Variants in LCORL observed in about 807,000 individuals in gnomAD.
LCORL encodes ligand-dependent nuclear receptor corepressor-like protein.
In LCORL, 41 loss-of-function variants were observed where a neutral mutation model predicts 141.8. The observed-to-expected ratio is 0.29, with a 90% CI of 0.23 to 0.38. The LOEUF is 0.38. LCORL is among the 10% of genes least tolerant of loss of function. The pLI is 1.00. For synonymous variants in LCORL, 618 were observed against 694.1 expected, an observed-to-expected ratio of 0.89 and a Z score of 1.72; for missense variants, 1,759 against 2,035.0, an observed-to-expected ratio of 0.86 and a Z score of 2.61.
At chr4:17,873,040 T>C (rs967723818) in intron 7 of LCORL, among the ~76,000 whole-genome samples, 3 of 152,170 alleles carry the variant, frequency 2.0e-5, no homozygotes, top group African/African-American at 7.2e-5. Context: ...GTTAGTTACT[T>C]GGTTATATTT....
At chr4:17,921,126 C>T (rs997070599) in intron 4 of LCORL, among the ~76,000 whole-genome samples, 8 of 152,116 alleles carry the variant, frequency 5.3e-5, no homozygotes, top group African/African-American at 1.9e-4. Context: ...TGGGTTCAAA[C>T]GATTCCCCTG....
chr4:17,960,492 G>T (rs1386610999), intron 4 of LCORL, among the ~76,000 whole-genome samples: 2 of 152,144 alleles, frequency 1.3e-5, no homozygotes, highest in Non-Finnish European at 2.9e-5. Context: ...CTTACTGTGT[G>T]CATGTGTGTA....
chr4:17,904,673 A>G lies in LCORL; in HGVS notation c.682+4421T>C, dbSNP rs550354761. On this transcript the variant is annotated intron_variant, in intron 5 of 7. Coordinates refer to ENST00000635767, the Ensembl canonical transcript of LCORL. ...GTATCTTTCCCCGTGATTTATAATG[A>G]CATTTCTGTCTTGCACTAAGATTCC... 3.9e-5 allele frequency among the ~76,000 whole-genome samples: 6 copies of G among 152,220 alleles called. No homozygotes were observed. In the East Asian group the frequency reaches 1.2e-3, roughly 29 times the overall value.
chr4:17,994,629 A>G (rs1244369102), intron 1 of LCORL, among the ~76,000 whole-genome samples: 1 of 152,042 alleles, frequency 6.6e-6, no homozygotes, highest in African/African-American at 2.4e-5. Context: ...CTACTTCATC[A>G]CCTGTAATTT....
At chr4:17,917,276 T>C (rs571080548) in intron 4 of LCORL, among the ~76,000 whole-genome samples, 5 of 152,324 alleles carry the variant, frequency 3.3e-5, no homozygotes, top group South Asian at 2.1e-4. Context: ...CTTGGCTCAC[T>C]CTGCCTCCTG....
exon 7 of LCORL, chr4:17,877,280 T>A: frequency 1.6e-6 from 2 of 1,229,926 alleles, no homozygotes; most frequent in Non-Finnish European, 2.0e-6. Context: ...AGAGAGATGT[T>A]ATGAAATCTC....
intron 7 of LCORL, among the ~76,000 whole-genome samples, chr4:17,851,261 T>C (rs1174329757): frequency 6.6e-6 from 1 of 152,052 alleles, no homozygotes; most frequent in East Asian, 1.9e-4. Context: ...ACATGTACCC[T>C]AAAACTTAAA....
At chr4:17,898,412 T>C (rs1560308454) in intron 5 of LCORL, among the ~76,000 whole-genome samples, 1 of 152,146 alleles carries the variant, frequency 6.6e-6, no homozygotes, top group East Asian at 1.9e-4. Context: ...CTTTGGAATA[T>C]ACAGAATATT....
At chr4:17,987,712 G>A (rs1016061715) in intron 1 of LCORL, among the ~76,000 whole-genome samples, 1 of 152,122 alleles carries the variant, frequency 6.6e-6, no homozygotes, top group African/African-American at 2.4e-5. Context: ...GATGCAAAGT[G>A]CAGTCTCATT....
intron 5 of LCORL, among the ~76,000 whole-genome samples, chr4:17,899,425 A>C (rs1391532507): frequency 6.6e-6 from 1 of 152,182 alleles, no homozygotes; most frequent in Non-Finnish European, 1.5e-5. Context: ...GCAGCCCTGA[A>C]GTACAGTGGG....
chr4:17,992,350 C>T (rs988027712), intron 1 of LCORL, among the ~76,000 whole-genome samples: 1 of 152,196 alleles, frequency 6.6e-6, no homozygotes. Context: ...ATGATCTAAT[C>T]ACCTCCCACA....
At chr4:18,017,650 G>A (rs902827717) in intron 1 of LCORL, among the ~76,000 whole-genome samples, 2 of 152,088 alleles carry the variant, frequency 1.3e-5, no homozygotes, top group Non-Finnish European at 2.9e-5. Flanking sequence ...TCAAGGTCAA[G>A]AAATAGTAAG....
chr4:18,008,359 G>A (rs947001614), intron 1 of LCORL, among the ~76,000 whole-genome samples: 3 of 152,120 alleles, frequency 2.0e-5, no homozygotes, highest in Non-Finnish European at 2.9e-5. Context: ...TCCAGGACAG[G>A]AATAAAAGGC....
chr4:17,878,301 T>G, intron 6 of LCORL, 88 bp from the exon 7 acceptor site: 1 of 942,112 alleles, frequency 1.1e-6, no homozygotes, highest in Non-Finnish European at 1.4e-6. Context: ...AAAAAAGATA[T>G]TTTGGTATTG....
At chr4:17,859,231 C>G (rs966745624) in intron 7 of LCORL, among the ~76,000 whole-genome samples, 1 of 152,042 alleles carries the variant, frequency 6.6e-6, no homozygotes, top group African/African-American at 2.4e-5. Flanking sequence ...TGTAAATGTT[C>G]TGAGAATATT....
At chr4:17,870,391 A>G (rs1560271408) in intron 7 of LCORL, among the ~76,000 whole-genome samples, 1 of 152,016 alleles carries the variant, frequency 6.6e-6, no homozygotes, top group East Asian at 1.9e-4. Context: ...TCCAACTTCT[A>G]CTACATCAGC....
intron 6 of LCORL, chr4:17,880,652 C>A (rs1478637524): frequency 2.0e-6 from 2 of 983,288 alleles, no homozygotes; most frequent in Non-Finnish European, 2.4e-6. Flanking sequence ...ATCAATCACA[C>A]ACCAACAGTG....
At chr4:17,881,274 TAATA>T in intron 6 of LCORL, 1 of 981,812 alleles carries the variant, frequency 1.0e-6, no homozygotes, top group Non-Finnish European at 1.2e-6. Flanking sequence ...AATTGTCAAT[TAATA>T]AATAGTAACT....
At chr4:17,926,679 C>T (rs2109400133) in intron 4 of LCORL, among the ~76,000 whole-genome samples, 1 of 152,324 alleles carries the variant, frequency 6.6e-6, no homozygotes, top group African/African-American at 2.4e-5. Context: ...TGAGTCAATA[C>T]TCCTTAATAA....
Sources: allele counts gnomAD v4.1 joint callset (sites outside exome capture counted in the v4.1 genomes callset), GRCh38; gene constraint gnomAD v4.1.1; transcripts MANE v1.5; gene names NCBI Gene and HGNC (gene_info 2026-07-23, HGNC 2026-07-21).